NRIP1: variants seen among roughly 807,000 people sequenced by gnomAD.
The protein encoded by NRIP1 is nuclear receptor-interacting protein 1.
NRIP1 carries 28 observed loss-of-function variants against 75.0 expected under a neutral mutation model. The observed-to-expected ratio is 0.37, with a 90% CI of 0.28 to 0.51. The LOEUF is 0.51. Ranked by LOEUF, NRIP1 falls within the 20% of genes least tolerant of loss-of-function variation. NRIP1 has a pLI of 0.92. For missense variants in NRIP1, 1,435 were observed against 1,343.7 expected (o/e 1.07, Z -1.06); for synonymous variants, 526 against 487.6 (o/e 1.08, Z -1.04).
chr21:14,965,943 T>C lies in NRIP1; in HGVS notation c.2250A>G (p.Ile750Met). The C allele has an allele frequency of 1.2e-6, 2 of 1,614,098 alleles. No individual in the cohort carries two copies. The highest frequency in any genetic ancestry group is 8.5e-7 in the Non-Finnish European group (1 of 1,179,980). ...GCTCAGATTTTATTTTCACCATCAG[T>C]ATTTGTTCACTTAAAGCTCTCTCTG... ...EHSERALSEQ[I>M]LMVKIKSEPC... Residue 750 changes from isoleucine to methionine, a missense_variant, in exon 4 of 4, where the codon ATA becomes ATG. Ile to Met is a conservative substitution (Grantham distance 10). Coordinates refer to ENST00000318948, the MANE Select transcript of NRIP1 (RefSeq NM_003489.4).
Position 14,964,967 on chromosome 21 carries a change from C to T in NRIP1, c.3226G>A (p.Gly1076Ser). The T allele has an allele frequency of 1.9e-6, 3 of 1,613,956 alleles. No individual in the cohort carries two copies. The highest frequency in any genetic ancestry group is 2.2e-5 in the East Asian group (1 of 44,884). ...GTTTCTCGACTGGTAACAGAATTGC[C>T]TCCTTTTTGAAGCATGTAATATAGT... ...PILYYMLQKG[G>S]NSVTSRETQD... is the part of the protein sequence containing the mutation. Residue 1076 changes from glycine to serine, a missense_variant, in exon 4 of 4, where the codon GGC becomes AGC. Gly to Ser is a moderately conservative substitution (Grantham distance 56, BLOSUM62 0). Transcript: ENST00000318948.
intron 2 of NRIP1, among the ~76,000 whole-genome samples, chr21:15,017,118 G>T (rs957498744): frequency 2.0e-5 from 3 of 152,058 alleles, no homozygotes; most frequent in Non-Finnish European, 4.4e-5. Context: ...TTTGGTCTGT[G>T]TATATAGATA....
intron 2 of NRIP1, among the ~76,000 whole-genome samples, chr21:15,016,201 C>A (rs75485932): frequency 0.029 from 4,361 of 152,168 alleles, 212 homozygotes; most frequent in African/African-American, 0.1. Context: ...AAGTCATATG[C>A]CCCAAATTAT....
intron 3 of NRIP1, among the ~76,000 whole-genome samples, chr21:15,011,565 T>C (rs2088104482): frequency 1.3e-5 from 2 of 152,322 alleles, no homozygotes; most frequent in South Asian, 2.1e-4. Flanking sequence ...AAGACATCTA[T>C]TCTACCATAG....
At chr21:15,034,281 C>T (rs1449446457) in intron 2 of NRIP1, among the ~76,000 whole-genome samples, 1 of 152,124 alleles carries the variant, frequency 6.6e-6, no homozygotes, top group Non-Finnish European at 1.5e-5. Context: ...AAACTACAAA[C>T]CTATAAAAAT....
chr21:15,026,238 A>G lies in NRIP1; in HGVS notation c.-457-11772T>C, dbSNP rs149747115. Among the ~76,000 whole-genome samples the G allele has an allele frequency of 2.0e-3, 302 of 152,362 alleles. 1 individual carries two copies. The highest frequency in any genetic ancestry group is 6.9e-3 in the African/African-American group (287 of 41,582). On this transcript the variant is annotated intron_variant, in intron 2 of 3. Coordinates refer to ENST00000318948, the MANE Select transcript of NRIP1 (RefSeq NM_003489.4). ...GTACATAATGGGCATAGGACATAAT[A>G]AGAATTTCATAAGATAGTACACCAA...
Position 15,058,396 on chromosome 21 carries a change from T to A in NRIP1, c.-538+6349A>T, listed in dbSNP as rs192966795. Reference sequence around the variant, plus strand: ...ACATATTTTCTTGATGTCCTCCATGTCATTGTGTATTCTCTCCTTCCCTTA... The same window carrying A: ...ACATATTTTCTTGATGTCCTCCATGACATTGTGTATTCTCTCCTTCCCTTA... On this transcript the variant is annotated intron_variant, in intron 1 of 3. Coordinates refer to ENST00000318948, the MANE Select transcript of NRIP1 (RefSeq NM_003489.4). Among the ~76,000 whole-genome samples, 117 of 152,304 alleles carry A rather than the reference T, an allele frequency of 7.7e-4. No homozygotes were observed. The East Asian group carries it at 0.019, about 25-fold the overall frequency.
intron 2 of NRIP1, among the ~76,000 whole-genome samples, chr21:15,017,821 C>T (rs748841804): frequency 6.6e-6 from 1 of 152,074 alleles, no homozygotes; most frequent in African/African-American, 2.4e-5. Flanking sequence ...AAAAGTATTC[C>T]GAGCCCACAA....
chr21:15,050,581 T>A (rs1164237646), intron 1 of NRIP1: 13 of 366,690 alleles, frequency 3.5e-5, no homozygotes, highest in Non-Finnish European at 6.4e-5. Flanking sequence ...TTAACAACTT[T>A]CAATGAAGAA....
chr21:15,003,561 A>C (rs2087896313), intron 3 of NRIP1, among the ~76,000 whole-genome samples: 1 of 152,084 alleles, frequency 6.6e-6, no homozygotes, highest in Non-Finnish European at 1.5e-5. Context: ...CCTCTAAATG[A>C]CCTAAAGCTT....
At chr21:15,024,182 T>C (rs1281493840) in intron 2 of NRIP1, among the ~76,000 whole-genome samples, 1 of 152,210 alleles carries the variant, frequency 6.6e-6, no homozygotes, top group African/African-American at 2.4e-5. Flanking sequence ...TGCATTAAAA[T>C]TGAAAACTTC....
Position 14,963,092 on chromosome 21 carries a change from C to T in NRIP1, c.*1624G>A, listed in dbSNP as rs549120890. 6.6e-6 allele frequency: 1 copy of T among 152,308 alleles called. No individual in the cohort carries two copies. The highest frequency in any genetic ancestry group is 1.9e-4 in the East Asian group (1 of 5,188). 9.4% of individuals were successfully genotyped at this position (152,308 alleles called of 1,614,324 possible). A position where few individuals can be genotyped will look rare whatever the true frequency, so the allele number is the denominator to read the frequency against. On this transcript the variant is annotated 3_prime_UTR_variant, in exon 4 of 4. Transcript: ENST00000318948. ...TAAGACAGTATCAACATGTACTTTT[C>T]ATCACTACTTTAAAGTAAAAGATCC... is the stretch of plus-strand genomic sequence containing the variant.
rs539920207 is a variant in NRIP1, at chr21:15,019,548, A to T, written c.-457-5082T>A. On this transcript the variant is annotated intron_variant, in intron 2 of 3. Coordinates refer to ENST00000318948, the MANE Select transcript of NRIP1 (RefSeq NM_003489.4). The stretch of plus-strand genomic sequence containing the variant: ...CTGTCGCCCAAGCTGGAGTGCAATG[A>T]TGCAGTCTTGGCTCACTGCAACCTC... 2.7e-4 allele frequency among the ~76,000 whole-genome samples: 31 copies of T among 116,178 alleles called. 1 individual carries two copies. In the South Asian group the frequency reaches 9.2e-3, roughly 35 times the overall value. 76.2% of individuals were successfully genotyped at this position (116,178 alleles called of 152,430 possible).
At chr21:14,997,553 T>G (rs1042781366) in intron 3 of NRIP1, among the ~76,000 whole-genome samples, 1 of 151,944 alleles carries the variant, frequency 6.6e-6, no homozygotes. Flanking sequence ...TCCCATATTA[T>G]GGTTACCTAG....
At position 14,965,791 on chromosome 21, in the gene NRIP1, A is replaced by C; in HGVS notation, c.2402T>G (p.Phe801Cys). 6.2e-7 allele frequency: 1 copy of C among 1,614,038 alleles called. No individual in the cohort carries two copies. The highest frequency in any genetic ancestry group is 1.1e-5 in the South Asian group (1 of 91,084). The change falls in exon 4 of 4, where the codon TTT (phenylalanine) becomes TGT (cysteine). Residue 801 changes from phenylalanine (F) to cysteine (C), a missense_variant. Physicochemically the swap from Phe to Cys is radical, Grantham distance 205. Coordinates refer to ENST00000318948, the MANE Select transcript of NRIP1 (RefSeq NM_003489.4). The stretch of plus-strand genomic sequence containing the variant: ...CTGAGGTGAAACAGGCTCCGATTTA[A>C]AGTCTTCGGACACTGGTAAGGCAGG... ...SAPALPVSED[F>C]KSEPVSPQDF...
intron 1 of NRIP1, among the ~76,000 whole-genome samples, chr21:15,045,647 C>T (rs754967396): frequency 6.6e-6 from 1 of 152,150 alleles, no homozygotes; most frequent in East Asian, 1.9e-4. Context: ...TTTGCCACAT[C>T]GGCTGATTCT....
At chr21:14,994,117 A>G (rs1467226755) in intron 3 of NRIP1, among the ~76,000 whole-genome samples, 2 of 151,500 alleles carry the variant, frequency 1.3e-5, no homozygotes, top group Non-Finnish European at 2.9e-5. Flanking sequence ...AAATTGCAAG[A>G]TTTTTTTGGG....
rs373181043 is a variant in NRIP1, at chr21:14,967,524, T to C, written c.669A>G (p.Gly223=). 182 of 1,614,036 alleles carry C rather than the reference T, an allele frequency of 1.1e-4. No homozygotes were observed. Among genetic ancestry groups the C allele is most frequent in the Non-Finnish European group, 1.5e-4 (175 of 1,180,026 alleles). The change falls in exon 4 of 4, where the codon GGA becomes GGG. Residue 223 remains glycine (G), a synonymous_variant. Transcript: ENST00000318948. ...CACTCATGACCTTTGTTCCACTTTG[T>C]CCAACATGATGAGGAGACTCTGCAA... The part of the protein sequence containing the change: ...DRFAESPHHV[G]QSGTKVMSEP...
intron 3 of NRIP1, among the ~76,000 whole-genome samples, chr21:14,970,056 A>G (rs767035262): frequency 2.6e-5 from 4 of 152,166 alleles, no homozygotes; most frequent in Non-Finnish European, 5.9e-5. Flanking sequence ...TAAAACCCTG[A>G]CTTGTTTTTC....
Sources: allele counts gnomAD v4.1 joint callset (sites outside exome capture counted in the v4.1 genomes callset), GRCh38; gene constraint gnomAD v4.1.1; transcripts MANE v1.5; gene names NCBI Gene and HGNC (gene_info 2026-07-23, HGNC 2026-07-21).